Variants in CASK observed in about 807,000 individuals in gnomAD.
CASK encodes the protein calcium/calmodulin dependent serine protein kinase.
Under a neutral mutation model 82.9 loss-of-function variants are expected in CASK, and 4 were observed. The observed-to-expected ratio is 0.05, with a 90% CI of 0.02 to 0.11. The LOEUF is 0.11. Ranked by LOEUF, CASK falls within the 10% of genes least tolerant of loss-of-function variation. The pLI is 1.00. For missense variants in CASK, 358 were observed against 720.9 expected (o/e 0.50, Z 5.76); for synonymous variants, 259 against 253.5 (o/e 1.02, Z -0.20).
chrX:41,643,012 C>T (rs1330960507), intron 8 of CASK, among the ~76,000 whole-genome samples: 8 of 112,046 alleles, frequency 7.1e-5, no homozygotes, highest in Non-Finnish European at 1.5e-4. Flanking sequence ...GGAATCCTTT[C>T]CCCATTGCTT....
intron 2 of CASK, among the ~76,000 whole-genome samples, chrX:41,833,042 G>A (rs770181111): frequency 7.1e-5 from 8 of 112,179 alleles, no homozygotes; most frequent in Admixed American, 1.9e-4. Flanking sequence ...TGCGTTGTCC[G>A]ACCTTAGCTG....
rs181969726 is a variant in CASK at position 41,856,728 on chromosome X, G to A, written c.60-3501C>T. On this transcript the variant is annotated intron_variant, in intron 1 of 26. Coordinates refer to ENST00000378163, the MANE Select transcript of CASK (RefSeq NM_001367721.1). The stretch of plus-strand genomic sequence containing the variant: ...GGAGAATGGTATGAACCCGGGAGGC[G>A]GAACTTGCAGTGAGCCAAGATCGCA... 8.5e-5 allele frequency among the ~76,000 whole-genome samples: 9 copies of A among 105,788 alleles called. No individual in the cohort carries two copies. The East Asian group carries it at 2.4e-3, about 28-fold the overall frequency. The allele number at this position is 105,788 out of a possible 115,157, so 91.9% of individuals were successfully genotyped here.
At chrX:41,778,852 A>T (rs2069416259) in intron 3 of CASK, among the ~76,000 whole-genome samples, 1 of 108,766 alleles carries the variant, frequency 9.2e-6, no homozygotes, top group Non-Finnish European at 1.9e-5. Flanking sequence ...ATGATACTGT[A>T]TTTACAGTTA....
intron 2 of CASK, among the ~76,000 whole-genome samples, chrX:41,819,275 G>A (rs1013433905): frequency 1.8e-5 from 2 of 110,764 alleles, no homozygotes; most frequent in Admixed American, 9.6e-5. Flanking sequence ...CAATGAAAGG[G>A]GAGACATCAG....
At chrX:41,747,194 C>A (rs186103922) in intron 3 of CASK, among the ~76,000 whole-genome samples, 8 of 110,753 alleles carry the variant, frequency 7.2e-5, no homozygotes, top group African/African-American at 2.6e-4. Flanking sequence ...ACCAAGTTTC[C>A]ATTTCACACC....
rs1459921346 is a variant in CASK, at chrX:41,515,581, C to T, written c.*4839G>A. The T allele has an allele frequency of 8.9e-6, 1 of 111,887 alleles. No individual in the cohort carries two copies. The highest frequency in any genetic ancestry group is 1.9e-5 in the Non-Finnish European group (1 of 53,145). 9.2% of individuals were successfully genotyped at this position (111,887 alleles called of 1,213,427 possible). A position where few individuals can be genotyped will look rare whatever the true frequency, so the allele number is the denominator to read the frequency against. On this transcript the variant is annotated 3_prime_UTR_variant, in exon 27 of 27. Coordinates refer to ENST00000378163, the MANE Select transcript of CASK (RefSeq NM_001367721.1). ...AGGATTGGGCGGCCTTCACATCAGT[C>T]ACGCTGCCTGCTGCACCCGGCAGCC...
intron 11 of CASK, among the ~76,000 whole-genome samples, chrX:41,617,938 ACAAAAT>A (rs781713840): frequency 8.9e-6 from 1 of 112,518 alleles, no homozygotes; most frequent in South Asian, 3.7e-4. Flanking sequence ...TATCTTGAAA[ACAAAAT>A]CAATCAATAA....
chrX:41,823,362 G>GAA (rs371360746), intron 2 of CASK, among the ~76,000 whole-genome samples: 4 of 96,431 alleles, frequency 4.1e-5, no homozygotes, highest in Admixed American at 1.1e-4. Context: ...GGCAAAAAAG[G>GAA]AAAAAAAAAA....
chrX:41,881,309 A>G (rs915419190), intron 1 of CASK, among the ~76,000 whole-genome samples: 3 of 111,767 alleles, frequency 2.7e-5, no homozygotes, highest in Admixed American at 9.5e-5. Flanking sequence ...TATGTTATGG[A>G]GTTTGAAAGA....
At chrX:41,698,398 A>G (rs962013791) in intron 5 of CASK, among the ~76,000 whole-genome samples, 1 of 112,000 alleles carries the variant, frequency 8.9e-6, no homozygotes, top group Admixed American at 9.5e-5. Context: ...GCAAGCTCTA[A>G]AAGAAAGCGG....
chrX:41,608,511 C>A (rs1246576937), intron 12 of CASK, among the ~76,000 whole-genome samples: 1 of 111,924 alleles, frequency 8.9e-6, no homozygotes, highest in Non-Finnish European at 1.9e-5. Context: ...GTTCTAGGCA[C>A]CCCAAAGCAA....
chrX:41,570,010 C>CTT (rs397937722), intron 15 of CASK, among the ~76,000 whole-genome samples: 1,503 of 70,588 alleles, frequency 0.021, 84 homozygotes, highest in Non-Finnish European at 0.031. Context: ...TTTCTTTTTT[C>CTT]TTTTTTTTTT....
intron 1 of CASK, among the ~76,000 whole-genome samples, chrX:41,870,540 A>T (rs1309313669): frequency 8.9e-6 from 1 of 112,191 alleles, no homozygotes; most frequent in Non-Finnish European, 1.9e-5. Flanking sequence ...AAACATAAAT[A>T]TGTGAATGAA....
At chrX:41,860,317 G>A (rs1191759743) in intron 1 of CASK, among the ~76,000 whole-genome samples, 3 of 110,860 alleles carry the variant, frequency 2.7e-5, no homozygotes, top group Non-Finnish European at 5.7e-5. Context: ...TAGATGGTGG[G>A]TAGGCAAAAA....
At chrX:41,652,346 C>A (rs1239618875) in intron 8 of CASK, among the ~76,000 whole-genome samples, 1 of 111,799 alleles carries the variant, frequency 8.9e-6, no homozygotes, top group Non-Finnish European at 1.9e-5. Flanking sequence ...TTAAAGCCAT[C>A]AAAACTAGAT....
rs1275268613 is a variant in CASK at position 41,522,934 on chromosome X, GTC to G, written c.2604+1015_2604+1016del. 4.4e-5 allele frequency: 5 copies of G among 112,590 alleles called. No individual in the cohort carries two copies. The East Asian group carries it at 8.4e-4, about 19-fold the overall frequency. 9.3% of individuals were successfully genotyped at this position (112,590 alleles called of 1,213,427 possible). A position where few individuals can be genotyped will look rare whatever the true frequency, so the allele number is the denominator to read the frequency against. On this transcript the variant is annotated intron_variant, in intron 26 of 26. Transcript: ENST00000378163. The stretch of plus-strand genomic sequence containing the variant: ...AAGCAAGGATTTGTGGGAACAAAGT[GTC>G]TACATTCTAAATCTATTAAAAGAAA...
chrX:41,669,373 T>C lies in CASK; in HGVS notation c.532+2055A>G, dbSNP rs56288122. 5.6e-3 allele frequency among the ~76,000 whole-genome samples: 619 copies of C among 110,226 alleles called. 5 individuals carry two copies. Among genetic ancestry groups the C allele is most frequent in the South Asian group, 0.041 (103 of 2,533 alleles). ...CCAGGTAAACATAATGCATCTATTT[T>C]CCCCCCCAGTCAAGATGTACAATAA... On this transcript the variant is annotated intron_variant, in intron 6 of 26. Coordinates refer to ENST00000378163, the MANE Select transcript of CASK (RefSeq NM_001367721.1).
At chrX:41,792,007 A>C (rs1322805554) in intron 2 of CASK, among the ~76,000 whole-genome samples, 1 of 111,279 alleles carries the variant, frequency 9.0e-6, no homozygotes, top group Non-Finnish European at 1.9e-5. Flanking sequence ...AATGAAATCA[A>C]CCTGCCATAT....
intron 8 of CASK, among the ~76,000 whole-genome samples, chrX:41,641,820 T>C (rs1336995480): frequency 9.0e-6 from 1 of 110,903 alleles, no homozygotes; most frequent in East Asian, 2.8e-4. Context: ...ATAGTATACA[T>C]GTGCCATGTT....
Sources: gnomAD v4.1 joint callset for allele counts (sites outside exome capture counted in the v4.1 genomes callset) on GRCh38, gnomAD v4.1.1 for gene constraint, MANE v1.5 for transcripts, NCBI Gene and HGNC (gene_info 2026-07-23, HGNC 2026-07-21) for gene names.